RHPN2: variants seen among roughly 807,000 people sequenced by gnomAD.
RHPN2 encodes the protein rhophilin-2.
A neutral mutation model predicts 79.0 loss-of-function variants in RHPN2; 40 were observed. That is an observed-to-expected ratio of 0.51 (90% CI 0.39 to 0.66). The LOEUF (loss-of-function observed/expected upper bound fraction) is 0.66, where lower values mean the gene tolerates loss of function less well. RHPN2 is among the 30% of genes least tolerant of loss of function. The pLI is 0.00. For synonymous variants in RHPN2, 285 were observed against 363.5 expected (o/e 0.78, Z 2.46); for missense variants, 686 against 883.5 (o/e 0.78, Z 2.83).
chr19:33,042,415 CAT>C (rs1972107873), intron 2 of RHPN2, among the ~76,000 whole-genome samples: 1 of 152,200 alleles, frequency 6.6e-6, no homozygotes, highest in Non-Finnish European at 1.5e-5. Context: ...ACACAGATGA[CAT>C]GAGTTGCTCT....
chr19:33,019,609 C>G (rs1277832208), intron 4 of RHPN2, among the ~76,000 whole-genome samples: 1 of 149,738 alleles, frequency 6.7e-6, no homozygotes, highest in African/African-American at 2.5e-5. Context: ...AAGAAAAATG[C>G]AACAATTAGC....
At chr19:33,003,544 A>G (rs1342694847) in intron 7 of RHPN2, among the ~76,000 whole-genome samples, 1 of 152,172 alleles carries the variant, frequency 6.6e-6, no homozygotes, top group African/African-American at 2.4e-5. Flanking sequence ...TAATAGCAAC[A>G]TTATTCACAA....
At chr19:32,982,491 C>T (rs559430047) in intron 14 of RHPN2, among the ~76,000 whole-genome samples, 3 of 152,202 alleles carry the variant, frequency 2.0e-5, no homozygotes, top group Admixed American at 6.6e-5. Context: ...GGGGGTACTT[C>T]GAGCCCCTAA....
intron 3 of RHPN2, among the ~76,000 whole-genome samples, chr19:33,023,128 T>C (rs994930616): frequency 3.9e-5 from 6 of 152,078 alleles, no homozygotes; most frequent in Admixed American, 3.9e-4. Flanking sequence ...AAAGAAACAG[T>C]CTACTTTGAA....
At chr19:33,049,949 A>G (rs1054392995) in intron 1 of RHPN2, among the ~76,000 whole-genome samples, 1 of 151,976 alleles carries the variant, frequency 6.6e-6, no homozygotes, top group Non-Finnish European at 1.5e-5. Flanking sequence ...GCTGCCCACC[A>G]TCACCCCACA....
intron 2 of RHPN2, among the ~76,000 whole-genome samples, chr19:33,037,226 C>T (rs753298240): frequency 3.6e-4 from 55 of 152,180 alleles, no homozygotes; most frequent in Non-Finnish European, 6.5e-4. Flanking sequence ...TATCTAGCTA[C>T]TCTGGTGGTG....
intron 1 of RHPN2, among the ~76,000 whole-genome samples, chr19:33,049,648 G>A (rs898367538): frequency 2.0e-5 from 3 of 152,144 alleles, no homozygotes; most frequent in African/African-American, 7.2e-5. Context: ...TGAAGAGTGG[G>A]CAAACAGCCA....
rs138817666 is a variant in RHPN2, at chr19:33,030,087, G to A, written c.186-3455C>T. Among the ~76,000 whole-genome samples, 418 of 152,298 alleles carry A rather than the reference G, an allele frequency of 2.7e-3. 2 individuals carry two copies. Among genetic ancestry groups the A allele is most frequent in the African/African-American group, 9.4e-3 (391 of 41,566 alleles). On this transcript the variant is annotated intron_variant, in intron 2 of 14. Coordinates refer to ENST00000254260, the MANE Select transcript of RHPN2 (RefSeq NM_033103.5). The stretch of plus-strand genomic sequence containing the variant: ...TGTACAAACAGTTCAGGCACAGTGA[G>A]TCAATCTTATCAGTCTGGGAATGGT...
intron 6 of RHPN2, among the ~76,000 whole-genome samples, chr19:33,008,395 T>C (rs903728977): frequency 3.3e-5 from 5 of 151,860 alleles, no homozygotes; most frequent in African/African-American, 1.2e-4. Flanking sequence ...CTGGCATTAC[T>C]GGTGCATGCC....
intron 1 of RHPN2, among the ~76,000 whole-genome samples, chr19:33,050,407 T>C (rs1027274650): frequency 3.3e-5 from 5 of 152,302 alleles, no homozygotes; most frequent in East Asian, 3.9e-4. Context: ...AATTTATATA[T>C]AATAAAATAC....
At chr19:33,034,025 A>ATTTTTTTTTTAAATTTTAG (rs1568321868) in intron 2 of RHPN2, among the ~76,000 whole-genome samples, 1 of 146,516 alleles carries the variant, frequency 6.8e-6, no homozygotes, top group African/African-American at 2.5e-5. Flanking sequence ...TTGGCAAAAC[A>ATTTTTTTTTTAAATTTTAG]TTTTTTTTTT....
At chr19:33,050,903 G>A (rs1002976711) in intron 1 of RHPN2, among the ~76,000 whole-genome samples, 1 of 152,070 alleles carries the variant, frequency 6.6e-6, no homozygotes, top group African/African-American at 2.4e-5. Flanking sequence ...ATACTAGGGT[G>A]TGTTTATCTG....
rs537123743 is a variant in RHPN2, at chr19:32,986,277, C to T, written c.1800+4237G>A. ...TTTGCACCTCTCACAGGGGGCAGGG[C>T]ATGCCCCAGAAACTCAGGCCTCTGC... On this transcript the variant is annotated intron_variant, in intron 14 of 14. Transcript: ENST00000254260. Among the ~76,000 whole-genome samples, 31 of 152,340 alleles carry T rather than the reference C, an allele frequency of 2.0e-4. 1 individual carries two copies. The South Asian group carries it at 6.4e-3, about 32-fold the overall frequency.
At chr19:33,013,464 G>A (rs527769486) in intron 4 of RHPN2, among the ~76,000 whole-genome samples, 2 of 152,224 alleles carry the variant, frequency 1.3e-5, no homozygotes, top group South Asian at 4.1e-4. Context: ...CAAAGTGCTG[G>A]GATTACAGGT....
chr19:32,994,540 T>C (rs1248108898), intron 11 of RHPN2, among the ~76,000 whole-genome samples: 2 of 152,136 alleles, frequency 1.3e-5, no homozygotes, highest in Non-Finnish European at 2.9e-5. Context: ...TCCATTTGGG[T>C]GCCTCCAGTG....
chr19:33,051,688 T>C (rs1972189292), intron 1 of RHPN2: 1 of 202,970 alleles, frequency 4.9e-6, no homozygotes. Context: ...TTTCTGCCAC[T>C]GTTACAAGTT....
intron 1 of RHPN2, among the ~76,000 whole-genome samples, chr19:33,056,705 A>G (rs1972235378): frequency 6.6e-6 from 1 of 152,142 alleles, no homozygotes; most frequent in East Asian, 1.9e-4. Context: ...CTGTTTAAAC[A>G]CAGTAACATA....
In RHPN2 at chr19:32,986,131, T is replaced by C. The variant is rs553845651; in HGVS notation, c.1800+4383A>G. On this transcript the variant is annotated intron_variant, in intron 14 of 14. Coordinates refer to ENST00000254260, the MANE Select transcript of RHPN2 (RefSeq NM_033103.5). Reference sequence around the variant, plus strand: ...CCTGACTTGCTGAAGGCCACACAACTGGTGGTGGAAAGCCAGGATACACAT... The same window carrying C: ...CCTGACTTGCTGAAGGCCACACAACCGGTGGTGGAAAGCCAGGATACACAT... Among the ~76,000 whole-genome samples, 9 of 152,270 alleles carry C rather than the reference T, an allele frequency of 5.9e-5. No individual in the cohort carries two copies. In the South Asian group the frequency reaches 1.7e-3, roughly 28 times the overall value.
At chr19:32,994,399 A>G (rs1209707416) in intron 11 of RHPN2, among the ~76,000 whole-genome samples, 13 of 150,804 alleles carry the variant, frequency 8.6e-5, no homozygotes, top group Admixed American at 6.6e-4. Flanking sequence ...CCGGGGGGAA[A>G]AAAAAAGTGA....
Sources: allele counts gnomAD v4.1 joint callset (sites outside exome capture counted in the v4.1 genomes callset), GRCh38; gene constraint gnomAD v4.1.1; transcripts MANE v1.5; gene names NCBI Gene and HGNC (gene_info 2026-07-23, HGNC 2026-07-21).